The following STAT4 variants were observed in gnomAD, a reference collection of about 807,000 sequenced individuals.
STAT4 encodes signal transducer and activator of transcription 4.
A neutral mutation model predicts 110.5 loss-of-function variants in STAT4; 42 were observed. The ratio of observed to expected loss-of-function variants is 0.38; its 90% confidence interval spans 0.30 to 0.49. The LOEUF (loss-of-function observed/expected upper bound fraction) is 0.49, where lower values mean the gene tolerates loss of function less well. Ranked by LOEUF, STAT4 falls within the 20% of genes least tolerant of loss-of-function variation. The pLI, the probability that STAT4 is intolerant of heterozygous loss-of-function variation, is 0.95. For missense variants in STAT4, 632 were observed against 887.9 expected, an observed-to-expected ratio of 0.71 and a Z score of 3.66; for synonymous variants, 284 against 302.2, an observed-to-expected ratio of 0.94 and a Z score of 0.63.
At position 191,112,995 on chromosome 2, in the gene STAT4, G is replaced by T. The variant is rs1698467017; in HGVS notation, c.273+33618C>A. ...AGGAAGGGCATTCCCATAGCTCTCT[G>T]CTGTTCTTGCCCATCTGGGAATACT... is the stretch of plus-strand genomic sequence containing the variant. On this transcript the variant is annotated intron_variant, in intron 3 of 23. Coordinates refer to ENST00000392320, the MANE Select transcript of STAT4 (RefSeq NM_003151.4). This position sits in a 1 kb window ranked among gnomAD's most constrained non-coding sequence, Gnocchi z 4.3. 6.6e-6 allele frequency among the ~76,000 whole-genome samples: 1 copy of T among 152,232 alleles called. No individual in the cohort carries two copies. Among genetic ancestry groups the T allele is most frequent in the African/African-American group, 2.4e-5 (1 of 41,450 alleles).
Position 191,113,890 on chromosome 2 carries a change from G to T in STAT4, c.273+32723C>A, listed in dbSNP as rs73982611. 2.2e-3 allele frequency among the ~76,000 whole-genome samples: 333 copies of T among 152,306 alleles called. No homozygotes were observed. The highest frequency in any genetic ancestry group is 7.5e-3 in the African/African-American group (311 of 41,574). On this transcript the variant is annotated intron_variant, in intron 3 of 23. Coordinates refer to ENST00000392320, the MANE Select transcript of STAT4 (RefSeq NM_003151.4). This position sits in a 1 kb window ranked among gnomAD's most constrained non-coding sequence, Gnocchi z 4.8. ...TTATATAAAGAACATGTTTTCATAT[G>T]TATCATTTTTGATATGCCTCTCCCT...
chr2:191,058,374 T>A lies in STAT4; in HGVS notation c.1095-155A>T, dbSNP rs745480021. Reference sequence around the variant, plus strand: ...GTGCAGTGGTGCAATCTTGGCTCACTACAACCTCTGCCCCCTGGGTTCAAG... The same window carrying A: ...GTGCAGTGGTGCAATCTTGGCTCACAACAACCTCTGCCCCCTGGGTTCAAG... On this transcript the variant is annotated intron_variant, in intron 11 of 23. Coordinates refer to ENST00000392320, the MANE Select transcript of STAT4 (RefSeq NM_003151.4). This position sits in a 1 kb window ranked among gnomAD's most constrained non-coding sequence, Gnocchi z 4.3. Among the ~76,000 whole-genome samples, 1 of 152,188 alleles carries A rather than the reference T, an allele frequency of 6.6e-6. No homozygotes were observed. Among genetic ancestry groups the A allele is most frequent in the Admixed American group, 6.5e-5 (1 of 15,280 alleles).
intron 3 of STAT4, among the ~76,000 whole-genome samples, chr2:191,115,671 A>G (rs752486656): frequency 6.6e-6 from 1 of 152,214 alleles, no homozygotes; most frequent in African/African-American, 2.4e-5. Context: ...TCCTCCCACA[A>G]GCAAAATCAC....
chr2:191,092,493 T>C (rs1281421670), intron 3 of STAT4, among the ~76,000 whole-genome samples: 3 of 151,096 alleles, frequency 2.0e-5, no homozygotes, highest in Non-Finnish European at 2.9e-5. Context: ...AAATGGTCCA[T>C]AGTGTGAATG....
intron 3 of STAT4, among the ~76,000 whole-genome samples, chr2:191,145,353 C>T (rs1699434384): frequency 6.6e-6 from 1 of 152,088 alleles, no homozygotes; most frequent in African/African-American, 2.4e-5. Flanking sequence ...TTTCCAATCA[C>T]TTAAAAATAT....
rs1426205644 is a variant in STAT4 at position 191,091,209 on chromosome 2, GA to G, written c.274-14885del. 6.6e-6 allele frequency among the ~76,000 whole-genome samples: 1 copy of G among 151,810 alleles called. No homozygotes were observed. Among genetic ancestry groups the G allele is most frequent in the Non-Finnish European group, 1.5e-5 (1 of 67,926 alleles). On this transcript the variant is annotated intron_variant, in intron 3 of 23. Coordinates refer to ENST00000392320, the MANE Select transcript of STAT4 (RefSeq NM_003151.4). The surrounding 1 kb of genome is among the most constrained non-coding windows in gnomAD (Gnocchi z 5.4). ...TGCTGATGATAAAATTATATTTCTAGAAAAAAAGAGACTCATACAAATTCTA... is the reference window on the plus strand; with the variant it reads ...TGCTGATGATAAAATTATATTTCTAGAAAAAAGAGACTCATACAAATTCTA...
rs568706943 is a variant in STAT4, at chr2:191,082,997, G to T, written c.274-6672C>A. Among the ~76,000 whole-genome samples the T allele has an allele frequency of 6.6e-6, 1 of 152,312 alleles. No individual in the cohort carries two copies. Among genetic ancestry groups the T allele is most frequent in the South Asian group, 2.1e-4 (1 of 4,828 alleles). On this transcript the variant is annotated intron_variant, in intron 3 of 23. Coordinates refer to ENST00000392320, the MANE Select transcript of STAT4 (RefSeq NM_003151.4). The surrounding 1 kb of genome is among the most constrained non-coding windows in gnomAD (Gnocchi z 4.7). ...CTCTGACTGTAGTGACCTGGCAACT[G>T]CAGGATGAGAATGATAGGTCCCAGG... is the stretch of plus-strand genomic sequence containing the variant.
intron 3 of STAT4, among the ~76,000 whole-genome samples, chr2:191,094,143 G>A (rs1697889145): frequency 6.6e-6 from 1 of 152,156 alleles, no homozygotes; most frequent in Non-Finnish European, 1.5e-5. Context: ...AGGGAGAATG[G>A]AACCAAGTTG....
intron 16 of STAT4, among the ~76,000 whole-genome samples, chr2:191,036,872 A>T (rs532974245): frequency 1.3e-3 from 192 of 152,288 alleles, no homozygotes; most frequent in African/African-American, 3.5e-3. Flanking sequence ...AGGATTCCTA[A>T]TTTAAAGTCT....
At chr2:191,072,256 T>A (rs1697181214) in intron 5 of STAT4, among the ~76,000 whole-genome samples, 1 of 152,186 alleles carries the variant, frequency 6.6e-6, no homozygotes, top group Admixed American at 6.5e-5. Flanking sequence ...AATAATAATC[T>A]CCTGCCTTGC....
intron 3 of STAT4, among the ~76,000 whole-genome samples, chr2:191,125,987 C>T (rs1242716950): frequency 6.6e-6 from 1 of 152,082 alleles, no homozygotes; most frequent in Non-Finnish European, 1.5e-5. Flanking sequence ...TTTGTTTGGA[C>T]CCATTAAAGG....
intron 14 of STAT4, among the ~76,000 whole-genome samples, chr2:191,047,959 C>G (rs538986524): frequency 6.6e-6 from 1 of 152,206 alleles, no homozygotes; most frequent in East Asian, 1.9e-4. Flanking sequence ...AGCCAACACG[C>G]CTGGTCTATA....
chr2:191,030,617 A>C lies in STAT4; in HGVS notation c.2220+355T>G, dbSNP rs912468127. 3 of 193,304 alleles carry C rather than the reference A, an allele frequency of 1.6e-5. No individual in the cohort carries two copies. Among genetic ancestry groups the C allele is most frequent in the African/African-American group, 4.7e-5 (2 of 42,662 alleles). 12.0% of individuals were successfully genotyped at this position (193,304 alleles called of 1,614,324 possible). Reference sequence around the variant, plus strand: ...AACTAGATAGTATACTAGGTTTATAAATATTGACCAATAAATGGTGTTTGC... The same window carrying C: ...AACTAGATAGTATACTAGGTTTATACATATTGACCAATAAATGGTGTTTGC... On this transcript the variant is annotated intron_variant, in intron 23 of 23. Transcript: ENST00000392320. The surrounding 1 kb of genome is among the most constrained non-coding windows in gnomAD (Gnocchi z 4.4).
intron 3 of STAT4, among the ~76,000 whole-genome samples, chr2:191,127,618 C>T (rs1258183122): frequency 6.6e-6 from 1 of 152,186 alleles, no homozygotes; most frequent in Admixed American, 6.5e-5. Flanking sequence ...TGTTAACATC[C>T]ATATGATGTA....
chr2:191,100,319 TAG>T (rs1159026245), intron 3 of STAT4, among the ~76,000 whole-genome samples: 1 of 152,130 alleles, frequency 6.6e-6, no homozygotes, highest in African/African-American at 2.4e-5. Context: ...GGATTGCTAA[TAG>T]CTCATAAACA....
chr2:191,126,869 G>C (rs1698894876), intron 3 of STAT4, among the ~76,000 whole-genome samples: 2 of 152,126 alleles, frequency 1.3e-5, no homozygotes, highest in Admixed American at 1.3e-4. Flanking sequence ...ATCCAGGCTG[G>C]AGTACAGTGG....
rs573482963 is a variant in STAT4 at position 191,147,526 on chromosome 2, T to C, written c.128+550A>G. ...TGGGGGTGGAGGACTAGGGAGTTACTGTTTAAAGAGTACAGAGTTTCAGTT... is the reference window on the plus strand; with the variant it reads ...TGGGGGTGGAGGACTAGGGAGTTACCGTTTAAAGAGTACAGAGTTTCAGTT... On this transcript the variant is annotated intron_variant, in intron 2 of 23. Transcript: ENST00000392320. This position sits in a 1 kb window ranked among gnomAD's most constrained non-coding sequence, Gnocchi z 4.1. Among the ~76,000 whole-genome samples the C allele has an allele frequency of 3.3e-5, 5 of 152,272 alleles. No homozygotes were observed. The highest frequency in any genetic ancestry group is 4.1e-4 in the South Asian group (2 of 4,830).
intron 3 of STAT4, among the ~76,000 whole-genome samples, chr2:191,125,269 G>C (rs1035739467): frequency 6.6e-6 from 1 of 151,996 alleles, no homozygotes; most frequent in African/African-American, 2.4e-5. Context: ...GCAGGTTCTT[G>C]ATGTCACAGG....
At chr2:191,137,983 A>G (rs1235855888) in intron 3 of STAT4, among the ~76,000 whole-genome samples, 2 of 152,180 alleles carry the variant, frequency 1.3e-5, no homozygotes, top group Non-Finnish European at 2.9e-5. Flanking sequence ...AAATGCACAG[A>G]AAACAAAAAC....
Sources: gnomAD v4.1 joint callset for allele counts (sites outside exome capture counted in the v4.1 genomes callset) on GRCh38, gnomAD v4.1.1 for gene constraint, Gnocchi (gnomAD v3.1) non-coding constraint, MANE v1.5 for transcripts, NCBI Gene and HGNC (gene_info 2026-07-23, HGNC 2026-07-21) for gene names.